MGAT5B: variants seen among roughly 807,000 people sequenced by gnomAD.
MGAT5B encodes the protein alpha-1,6-mannosylglycoprotein 6-beta-N-acetylglucosaminyltransferase B.
A neutral mutation model predicts 95.1 loss-of-function variants in MGAT5B; 54 were observed. That is an observed-to-expected ratio of 0.57 (90% CI 0.46 to 0.71). MGAT5B has a LOEUF of 0.71. MGAT5B is among the 30% of genes least tolerant of loss of function. The pLI, the probability that MGAT5B is intolerant of heterozygous loss-of-function variation, is 0.00. For missense variants in MGAT5B, 935 were observed against 1,088.6 expected, an observed-to-expected ratio of 0.86 and a Z score of 1.99; for synonymous variants, 464 against 451.0, an observed-to-expected ratio of 1.03 and a Z score of -0.36.
chr17:76,920,484 CTT>C (rs1471299266), intron 8 of MGAT5B, among the ~76,000 whole-genome samples: 3 of 152,188 alleles, frequency 2.0e-5, no homozygotes, highest in African/African-American at 7.2e-5. Context: ...TGAAAGTAAA[CTT>C]AAATTACAAG....
chr17:76,874,696 G>C (rs2145116307), intron 2 of MGAT5B, among the ~76,000 whole-genome samples: 1 of 152,234 alleles, frequency 6.6e-6, no homozygotes, highest in South Asian at 2.1e-4. Context: ...GGGGGTTAGA[G>C]AGTCAAGGTA....
At position 76,940,257 on chromosome 17, in the gene MGAT5B, A is replaced by C. The variant is rs536082726; in HGVS notation, c.1585-145A>C. 302 of 1,051,562 alleles carry C rather than the reference A, an allele frequency of 2.9e-4. No homozygotes were observed. The highest frequency in any genetic ancestry group is 3.8e-4 in the Non-Finnish European group (287 of 757,696). 65.1% of individuals were successfully genotyped at this position (1,051,562 alleles called of 1,614,324 possible). On this transcript the variant is annotated intron_variant, in intron 13 of 17. Coordinates refer to ENST00000569840, the MANE Select transcript of MGAT5B (RefSeq NM_001199172.2). The surrounding 1 kb of genome is among the most constrained non-coding windows in gnomAD (Gnocchi z 4.3). The stretch of plus-strand genomic sequence containing the variant: ...CTTTTCCAGCCCTGTTATAGCTCAC[A>C]TAACAGGCTGAGCAAAAATAATCGC...
intron 3 of MGAT5B, among the ~76,000 whole-genome samples, chr17:76,887,316 C>A (rs1305861349): frequency 1.3e-5 from 2 of 152,056 alleles, no homozygotes. Context: ...TACACTTGCC[C>A]CATCCCTCAG....
chr17:76,913,782 C>T lies in MGAT5B; in HGVS notation c.1025+7595C>T, dbSNP rs75068481. On this transcript the variant is annotated intron_variant, in intron 8 of 17. Transcript: ENST00000569840. Reference sequence around the variant, plus strand: ...AGCAACACATTGCTCATTGAAAAGCCAAGTAAGAAGGAGACTGAAAAATGT... The same window carrying T: ...AGCAACACATTGCTCATTGAAAAGCTAAGTAAGAAGGAGACTGAAAAATGT... 1,409 of 468,190 alleles carry T rather than the reference C, an allele frequency of 3.0e-3. 15 individuals are homozygous for T. The highest frequency in any genetic ancestry group is 0.025 in the African/African-American group (1,290 of 50,640). The allele number at this position is 468,190 out of a possible 1,614,324, so 29.0% of individuals were successfully genotyped here.
intron 3 of MGAT5B, among the ~76,000 whole-genome samples, chr17:76,894,033 T>C (rs773655528): frequency 2.0e-5 from 3 of 152,210 alleles, no homozygotes; most frequent in Admixed American, 6.5e-5. Flanking sequence ...TTCTGATTGA[T>C]TGAAGCCAGT....
chr17:76,881,265 T>G (rs1967402762), intron 2 of MGAT5B, among the ~76,000 whole-genome samples: 1 of 152,114 alleles, frequency 6.6e-6, no homozygotes, highest in African/African-American at 2.4e-5. Context: ...AAGTGCCTCA[T>G]TTTCATGTAA....
chr17:76,898,320 C>T (rs1273881919), intron 3 of MGAT5B, among the ~76,000 whole-genome samples: 1 of 146,224 alleles, frequency 6.8e-6, no homozygotes, highest in African/African-American at 2.6e-5. Flanking sequence ...TCACAGAGTA[C>T]ATAATCTTTT....
At position 76,915,375 on chromosome 17, in the gene MGAT5B, CG is replaced by C. The variant is rs1436474067; in HGVS notation, c.1025+9190del. ...CCGGGGATCGGGCACTCCTCTCTGA[CG>C]GTTTCTATTTTATCTTCGATGCCGG... On this transcript the variant is annotated intron_variant, in intron 8 of 17. Transcript: ENST00000569840. The surrounding 1 kb of genome is among the most constrained non-coding windows in gnomAD (Gnocchi z 8.7). 6.6e-6 allele frequency among the ~76,000 whole-genome samples: 1 copy of C among 152,022 alleles called. No individual in the cohort carries two copies. Among genetic ancestry groups the C allele is most frequent in the Non-Finnish European group, 1.5e-5 (1 of 68,028 alleles).
chr17:76,925,175 G>A (rs8067585), intron 9 of MGAT5B, 78 bp downstream of exon 9: 505,082 of 1,558,486 alleles, frequency 0.32, 85,137 homozygotes, highest in East Asian at 0.56. Flanking sequence ...CTGCCCCCAC[G>A]TCCCCACTCA....
intron 3 of MGAT5B, among the ~76,000 whole-genome samples, chr17:76,897,635 A>C (rs1282483468): frequency 1.3e-5 from 2 of 150,148 alleles, no homozygotes; most frequent in East Asian, 3.9e-4. Context: ...TTACATCTGC[A>C]AAGACCCTAT....
chr17:76,904,570 C>T (rs182100297), intron 6 of MGAT5B, 148 bp downstream of exon 6: 8 of 911,818 alleles, frequency 8.8e-6, no homozygotes, highest in African/African-American at 5.0e-5. Flanking sequence ...ACCGGGCAGA[C>T]GGGAGGCCAG....
chr17:76,935,158 G>A (rs1567822426), intron 12 of MGAT5B, among the ~76,000 whole-genome samples: 1 of 152,200 alleles, frequency 6.6e-6, no homozygotes, highest in Non-Finnish European at 1.5e-5. Flanking sequence ...GGCAAAGGCA[G>A]CTGGTTCAGG....
At chr17:76,948,391 C>T (rs572531226) in intron 17 of MGAT5B, among the ~76,000 whole-genome samples, 37 of 152,310 alleles carry the variant, frequency 2.4e-4, no homozygotes, top group Admixed American at 7.2e-4. Context: ...GAAAGCTGTC[C>T]CAGGTGCTCC....
In MGAT5B at chr17:76,946,393, C is replaced by T; in HGVS notation, c.1866C>T (p.Pro622=). Residue 622 remains proline (P), a synonymous_variant, in exon 16 of 18, where the codon CCC becomes CCT. Coordinates refer to ENST00000569840, the MANE Select transcript of MGAT5B (RefSeq NM_001199172.2). ...IMRTQVDPYL[P]YEYTCEGMLE... is the part of the protein sequence containing the mutation. ...TCCCACAGGTAGACCCCTACCTACC[C>T]TACGAGTACACCTGCGAGGGGATGC... is the stretch of plus-strand genomic sequence containing the variant. The T allele has an allele frequency of 6.2e-7, 1 of 1,608,694 alleles. No homozygotes were observed. Among genetic ancestry groups the T allele is most frequent in the Non-Finnish European group, 8.5e-7 (1 of 1,177,244 alleles).
At chr17:76,872,794 G>GCA (rs1967055101) in intron 1 of MGAT5B, 57 bp from the exon 2 acceptor site, 2 of 1,613,848 alleles carry the variant, frequency 1.2e-6, no homozygotes, top group Non-Finnish European at 1.7e-6. Flanking sequence ...ACGTGGTGGA[G>GCA]CGTCAGGGCA....
intron 2 of MGAT5B, among the ~76,000 whole-genome samples, chr17:76,877,055 G>A (rs977040201): frequency 6.6e-6 from 1 of 152,188 alleles, no homozygotes. Context: ...GCTGGGTGTG[G>A]TGGCTCACGC....
intron 15 of MGAT5B, among the ~76,000 whole-genome samples, chr17:76,943,007 C>T (rs766383210): frequency 2.6e-5 from 4 of 151,084 alleles, no homozygotes; most frequent in Non-Finnish European, 4.4e-5. Flanking sequence ...GCTAAAAGAG[C>T]GAGACACTCC....
Position 76,946,466 on chromosome 17 carries a change from G to C in MGAT5B, c.1923+16G>C, listed in dbSNP as rs778085650. 2 of 1,570,822 alleles carry C rather than the reference G, an allele frequency of 1.3e-6. No individual in the cohort carries two copies. The highest frequency in any genetic ancestry group is 1.7e-6 in the Non-Finnish European group (2 of 1,157,488). On this transcript the variant is annotated intron_variant, in intron 16 of 17. Coordinates refer to ENST00000569840, the MANE Select transcript of MGAT5B (RefSeq NM_001199172.2). ...CCAGCACCAGGTCAGTGAGCCCTCT[G>C]GTCCCTGCCCCAGATCCTGTCAGAC...
intron 3 of MGAT5B, among the ~76,000 whole-genome samples, chr17:76,883,247 G>T (rs1428125689): frequency 6.6e-6 from 1 of 151,948 alleles, no homozygotes; most frequent in Non-Finnish European, 1.5e-5. Flanking sequence ...TGATCCAACC[G>T]TCTCAGCCAC....
Sources: gnomAD v4.1 joint callset for allele counts (sites outside exome capture counted in the v4.1 genomes callset) on GRCh38, gnomAD v4.1.1 for gene constraint, Gnocchi (gnomAD v3.1) non-coding constraint, MANE v1.5 for transcripts, NCBI Gene and HGNC (gene_info 2026-07-23, HGNC 2026-07-21) for gene names.